The following TTC28 variants were observed in gnomAD, a reference collection of about 807,000 sequenced individuals.
The protein encoded by TTC28 is tetratricopeptide repeat protein 28.
In TTC28, 61 loss-of-function variants were observed where a neutral mutation model predicts 198.0. The ratio of observed to expected loss-of-function variants is 0.31; its 90% CI spans 0.25 to 0.38. The LOEUF is 0.38. Ranked by LOEUF, TTC28 falls within the 10% of genes least tolerant of loss-of-function variation. The pLI is 1.00. For synonymous variants in TTC28, 1,171 were observed against 1,297.8 expected (o/e 0.90, Z 2.10); for missense variants, 2,678 against 3,164.0 (o/e 0.85, Z 3.69).
intron 2 of TTC28, among the ~76,000 whole-genome samples, chr22:28,406,596 C>T (rs2047001118): frequency 6.6e-6 from 1 of 152,160 alleles, no homozygotes; most frequent in South Asian, 2.1e-4. Context: ...ACATCTGTTA[C>T]ATTAAAAGTT....
chr22:28,317,483 A>G (rs750907293), intron 2 of TTC28, among the ~76,000 whole-genome samples: 1 of 152,188 alleles, frequency 6.6e-6, no homozygotes, highest in African/African-American at 2.4e-5. Flanking sequence ...TCCCAATGTC[A>G]GTTAACTTTT....
intron 5 of TTC28, among the ~76,000 whole-genome samples, chr22:28,239,108 T>C (rs1367318157): frequency 6.6e-6 from 1 of 152,208 alleles, no homozygotes; most frequent in African/African-American, 2.4e-5. Context: ...TATTTTCATA[T>C]ATACTGACCA....
At chr22:28,497,596 A>G (rs2048475174) in intron 2 of TTC28, among the ~76,000 whole-genome samples, 1 of 152,162 alleles carries the variant, frequency 6.6e-6, no homozygotes, top group Non-Finnish European at 1.5e-5. Context: ...TAGTGATTCT[A>G]ATGTACAGCC....
At chr22:28,023,375 C>T (rs1380147567) in intron 13 of TTC28, among the ~76,000 whole-genome samples, 1 of 152,246 alleles carries the variant, frequency 6.6e-6, no homozygotes, top group Non-Finnish European at 1.5e-5. Flanking sequence ...GCCAGCCTTG[C>T]ACAGGCTTTT....
intron 2 of TTC28, among the ~76,000 whole-genome samples, chr22:28,569,039 C>T (rs910999072): frequency 3.9e-5 from 6 of 151,920 alleles, no homozygotes; most frequent in African/African-American, 1.2e-4. Context: ...CCCTGCTACC[C>T]GGGAGGCTGA....
intron 12 of TTC28, among the ~76,000 whole-genome samples, chr22:28,079,956 T>C (rs1335619386): frequency 6.6e-6 from 1 of 152,224 alleles, no homozygotes; most frequent in Non-Finnish European, 1.5e-5. Flanking sequence ...CAGGAACTCA[T>C]GGGCTCAAGC....
intron 6 of TTC28, among the ~76,000 whole-genome samples, chr22:28,117,793 G>A (rs1251210008): frequency 6.6e-6 from 1 of 152,158 alleles, no homozygotes; most frequent in Non-Finnish European, 1.5e-5. Context: ...CCTGAGGAAT[G>A]CTAGGCTCCC....
At chr22:28,598,731 G>A (rs954691933) in intron 2 of TTC28, among the ~76,000 whole-genome samples, 1 of 151,950 alleles carries the variant, frequency 6.6e-6, no homozygotes. Context: ...ATCCATTTGG[G>A]GTATAGGAAA....
At chr22:28,263,494 C>T (rs1479808361) in intron 5 of TTC28, among the ~76,000 whole-genome samples, 1 of 152,086 alleles carries the variant, frequency 6.6e-6, no homozygotes, top group Non-Finnish European at 1.5e-5. Context: ...TAATTATAAA[C>T]ATTCAATCCT....
chr22:28,184,504 A>G (rs185674900), intron 5 of TTC28, among the ~76,000 whole-genome samples: 285 of 152,290 alleles, frequency 1.9e-3, no homozygotes, highest in African/African-American at 6.3e-3. Context: ...CCAGATCTTA[A>G]AACAGAACAT....
At chr22:27,997,443 G>A (rs1255281231) in intron 16 of TTC28, 1 of 152,214 alleles carries the variant, frequency 6.6e-6, no homozygotes, top group Non-Finnish European at 1.5e-5. Context: ...AGCACCTGGG[G>A]CTGCCAGGCA....
At chr22:28,527,896 G>A (rs1270706027) in intron 2 of TTC28, among the ~76,000 whole-genome samples, 2 of 152,104 alleles carry the variant, frequency 1.3e-5, no homozygotes, top group African/African-American at 4.8e-5. Flanking sequence ...ACCTCCCAAG[G>A]TTTACAGGCA....
At chr22:28,163,055 C>T in intron 6 of TTC28, 37 bp downstream of exon 6, 10 of 1,504,382 alleles carry the variant, frequency 6.6e-6, no homozygotes, top group Non-Finnish European at 8.0e-6. Flanking sequence ...CAGCTCATGA[C>T]TTTGACCTGG....
chr22:28,529,018 T>A (rs943448389), intron 2 of TTC28, among the ~76,000 whole-genome samples: 1 of 152,182 alleles, frequency 6.6e-6, no homozygotes, highest in South Asian at 2.1e-4. Flanking sequence ...ATGGGTGATT[T>A]CTGCATTTCC....
At chr22:28,406,430 A>G (rs1203680330) in intron 2 of TTC28, among the ~76,000 whole-genome samples, 1 of 152,180 alleles carries the variant, frequency 6.6e-6, no homozygotes, top group Non-Finnish European at 1.5e-5. Flanking sequence ...GTTTTCCCAA[A>G]TTTCAGGCTG....
At position 28,679,672 on chromosome 22, in the gene TTC28, C is replaced by A. The variant is rs186017401; in HGVS notation, c.52G>T (p.Ala18Ser). The change falls in exon 1 of 23, where the codon GCA (alanine) becomes TCA (serine). Residue 18 changes from alanine (A) to serine (S), a missense_variant. Around this residue, in one of 8 missense-constraint regions of TTC28, gnomAD observed 22 missense variants for 55.0 expected, o/e 0.40. Transcript: ENST00000397906. ...APEPTQGPTP[A>S]RSRRRREPES... is the part of the protein sequence containing the mutation. ...GGCTCCCGCCGCCTTCGGCTCCTTG[C>A]GGGGGTCGGCCCTTGGGTCGGCTCG... is the stretch of plus-strand genomic sequence containing the variant. 4 of 1,284,550 alleles carry A rather than the reference C, an allele frequency of 3.1e-6. No homozygotes were observed. Among genetic ancestry groups the A allele is most frequent in the African/African-American group, 3.2e-5 (2 of 62,166 alleles). The allele number at this position is 1,284,550 out of a possible 1,614,324, so 79.6% of individuals were successfully genotyped here.
intron 5 of TTC28, among the ~76,000 whole-genome samples, chr22:28,223,271 G>A (rs1370400162): frequency 6.6e-6 from 1 of 152,156 alleles, no homozygotes. Flanking sequence ...CTTCCTTTCA[G>A]AGAAGAATTT....
At chr22:28,179,753 T>C (rs1407951997) in intron 5 of TTC28, among the ~76,000 whole-genome samples, 3 of 152,216 alleles carry the variant, frequency 2.0e-5, no homozygotes, top group East Asian at 1.9e-4. Flanking sequence ...TAAATCCTTG[T>C]TGTTTTAAGC....
At position 28,116,817 on chromosome 22, in the gene TTC28, G is replaced by A. The variant is rs1942642612; in HGVS notation, c.1442-8414C>T. Reference sequence around the variant, plus strand: ...GGGTCCCTCTAGCCTACAAAGTGTAGTCAAGTGGAATTTGTGCGCTTTCCT... The same window carrying A: ...GGGTCCCTCTAGCCTACAAAGTGTAATCAAGTGGAATTTGTGCGCTTTCCT... On this transcript the variant is annotated intron_variant, in intron 6 of 22. Coordinates refer to ENST00000397906, the MANE Select transcript of TTC28 (RefSeq NM_001145418.2). Among the ~76,000 whole-genome samples, 7 of 152,188 alleles carry A rather than the reference G, an allele frequency of 4.6e-5. 1 individual carries two copies.
Sources: allele counts gnomAD v4.1 joint callset (sites outside exome capture counted in the v4.1 genomes callset), GRCh38; gene constraint gnomAD v4.1.1; regional missense constraint gnomAD v4.1.1; transcripts MANE v1.5; gene names NCBI Gene and HGNC (gene_info 2026-07-23, HGNC 2026-07-21).